Variants in OSTF1 observed in about 807,000 individuals in gnomAD.
OSTF1 encodes the protein osteoclast stimulating factor 1.
Under a neutral mutation model 37.2 loss-of-function variants are expected in OSTF1, and 27 were observed. That is an observed-to-expected ratio of 0.73 (90% CI 0.54 to 1.00). The LOEUF is 1.00. Among genes scored for constraint, OSTF1 ranks in the 50% least tolerant of loss-of-function variants. The probability of loss-of-function intolerance (pLI) is 0.00; values close to 1 mark genes in which losing one functional copy is unlikely to be tolerated. For missense variants in OSTF1, 232 were observed against 253.8 expected, an observed-to-expected ratio of 0.91 and a Z score of 0.58; for synonymous variants, 82 against 89.2, an observed-to-expected ratio of 0.92 and a Z score of 0.46.
chr9:75,110,201 C>A (rs934507509), intron 1 of OSTF1, among the ~76,000 whole-genome samples: 4 of 152,108 alleles, frequency 2.6e-5, no homozygotes, highest in African/African-American at 9.7e-5. Flanking sequence ...ATTAGAGTAT[C>A]ATACAGAGTC....
chr9:75,134,525 C>G, intron 7 of OSTF1, 130 bp downstream of exon 7: 1 of 565,702 alleles, frequency 1.8e-6, no homozygotes, highest in East Asian at 3.4e-5. Flanking sequence ...TATAATTGTA[C>G]TAAAATTCAA....
chr9:75,112,823 A>G (rs1825415029), intron 1 of OSTF1, among the ~76,000 whole-genome samples: 1 of 152,226 alleles, frequency 6.6e-6, no homozygotes, highest in African/African-American at 2.4e-5. Context: ...CCCTCAAAGG[A>G]ACAAGAAAGT....
chr9:75,139,031 T>TTTCTTTCTTTCTTTCTTTCCTTCC (rs1564169708), intron 8 of OSTF1, among the ~76,000 whole-genome samples: 1 of 139,502 alleles, frequency 7.2e-6, no homozygotes, highest in African/African-American at 2.9e-5. Context: ...GGGACACTTC[T>TTTCTTTCTTTCTTTCTTTCCTTCC]TTCTTTCTTT....
intron 1 of OSTF1, among the ~76,000 whole-genome samples, chr9:75,113,956 G>A (rs1056519852): frequency 6.6e-6 from 1 of 152,078 alleles, no homozygotes; most frequent in African/African-American, 2.4e-5. Flanking sequence ...CTCCCTACCC[G>A]CCAGCCTCTG....
chr9:75,124,336 C>A (rs1825628750), intron 2 of OSTF1, among the ~76,000 whole-genome samples: 3 of 152,086 alleles, frequency 2.0e-5, no homozygotes, highest in Non-Finnish European at 4.4e-5. Flanking sequence ...TATTAGCTAT[C>A]CTGTTGTGCT....
intron 3 of OSTF1, among the ~76,000 whole-genome samples, chr9:75,128,036 A>G (rs1825688092): frequency 1.3e-5 from 2 of 152,026 alleles, no homozygotes; most frequent in African/African-American, 4.8e-5. Flanking sequence ...ATGAGTTGCA[A>G]AGTAAAATTT....
At chr9:75,139,272 G>A (rs953019622) in intron 8 of OSTF1, among the ~76,000 whole-genome samples, 6 of 151,754 alleles carry the variant, frequency 4.0e-5, no homozygotes, top group African/African-American at 1.2e-4. Context: ...GAACACAAGC[G>A]ATCCGCCTGC....
chr9:75,136,580 C>T (rs1239104257), intron 7 of OSTF1, among the ~76,000 whole-genome samples: 5 of 152,194 alleles, frequency 3.3e-5, no homozygotes, highest in South Asian at 2.1e-4. Flanking sequence ...TTAGTAGAGA[C>T]GGGGTTTCAC....
chr9:75,123,913 C>T (rs1435878982), intron 2 of OSTF1, among the ~76,000 whole-genome samples: 1 of 152,186 alleles, frequency 6.6e-6, no homozygotes, highest in Non-Finnish European at 1.5e-5. Flanking sequence ...TTGTGGCAGA[C>T]ACCACTATTG....
At chr9:75,104,900 CTAGT>C (rs1825257222) in intron 1 of OSTF1, among the ~76,000 whole-genome samples, 1 of 152,158 alleles carries the variant, frequency 6.6e-6, no homozygotes, top group South Asian at 2.1e-4. Context: ...TGGACCTGGA[CTAGT>C]TACTTACCCT....
At chr9:75,141,312 CAAAAAAAA>C (rs529293090) in intron 9 of OSTF1, among the ~76,000 whole-genome samples, 1 of 71,678 alleles carries the variant, frequency 1.4e-5, no homozygotes, top group East Asian at 5.3e-4. Context: ...AAAAGAAAAC[CAAAAAAAA>C]AAAAAAAAAA....
In OSTF1 at chr9:75,088,722, A is replaced by C; in HGVS notation, c.30A>C (p.Lys10Asn). 1 of 1,608,768 alleles carries C rather than the reference A, an allele frequency of 6.2e-7. No individual in the cohort carries two copies. The highest frequency in any genetic ancestry group is 8.5e-7 in the Non-Finnish European group (1 of 1,177,402). MSKPPPKPV[K>N]PGQVKVFRAL... is the part of the protein sequence containing the mutation. Reference sequence around the variant, plus strand: ...CGAAGCCGCCACCCAAACCAGTCAAACCAGGTGAGGGAGGTAAGGTAGGCG... The same window carrying C: ...CGAAGCCGCCACCCAAACCAGTCAACCCAGGTGAGGGAGGTAAGGTAGGCG... The change falls in exon 1 of 10, where the codon AAA becomes AAC. Residue 10 changes from lysine (K) to asparagine (N), a missense_variant. By Grantham distance (94) the Lys-to-Asn change is moderately conservative (BLOSUM62 0). Transcript: ENST00000346234.
At chr9:75,132,254 C>CA (rs1026085788) in intron 5 of OSTF1, among the ~76,000 whole-genome samples, 14 of 152,108 alleles carry the variant, frequency 9.2e-5, no homozygotes. Context: ...CTGGTGGGTA[C>CA]AGCATTTAGG....
At position 75,130,568 on chromosome 9, in the gene OSTF1, CT is replaced by C. The variant is rs1825746642; in HGVS notation, c.133-6del. 6.3e-7 allele frequency: 1 copy of C among 1,592,408 alleles called. No individual in the cohort carries two copies. The highest frequency in any genetic ancestry group is 1.3e-5 in the African/African-American group (1 of 74,508). On this transcript the variant is annotated splice_polypyrimidine_tract_variant and intron_variant, in intron 3 of 9. Coordinates refer to ENST00000346234, the MANE Select transcript of OSTF1 (RefSeq NM_012383.5). ...TTTCATACCACTTAATTTAACTCTT[CT>C]TTTACCAGAGCGATACCAATTGGTG...
Position 75,088,628 on chromosome 9 carries a change from C to A in OSTF1, c.-65C>A. The A allele has an allele frequency of 6.5e-7, 1 of 1,536,838 alleles. No homozygotes were observed. Among genetic ancestry groups the A allele is most frequent in the Non-Finnish European group, 8.9e-7 (1 of 1,123,940 alleles). On this transcript the variant is annotated 5_prime_UTR_variant, in exon 1 of 10. Coordinates refer to ENST00000346234, the MANE Select transcript of OSTF1 (RefSeq NM_012383.5). ...AAAAGAACTGGGGTGCCCGGAGTGC[C>A]AGGTGGCGGGCAAGCGGTGGGCTTT...
intron 9 of OSTF1, among the ~76,000 whole-genome samples, chr9:75,142,289 G>A (rs1015603882): frequency 4.6e-5 from 7 of 152,110 alleles, no homozygotes; most frequent in African/African-American, 1.4e-4. Context: ...TGATTGAGAA[G>A]CCATATTTGC....
intron 7 of OSTF1, among the ~76,000 whole-genome samples, chr9:75,135,306 A>T (rs1397653381): frequency 6.6e-6 from 1 of 152,180 alleles, no homozygotes; most frequent in African/African-American, 2.4e-5. Context: ...ATTTGGTGCC[A>T]TTTTGATTCC....
At chr9:75,127,673 T>C in intron 3 of OSTF1, 54 bp downstream of exon 3, 1 of 923,106 alleles carries the variant, frequency 1.1e-6, no homozygotes, top group Non-Finnish European at 1.7e-6. Flanking sequence ...TTTATGTAGC[T>C]ATAACATTGT....
At chr9:75,094,385 T>C (rs1328627930) in intron 1 of OSTF1, among the ~76,000 whole-genome samples, 6 of 151,890 alleles carry the variant, frequency 4.0e-5, no homozygotes, top group South Asian at 2.1e-4. Context: ...TTTTTTTTTT[T>C]CCCTGAAAGA....
Sources: gnomAD v4.1 joint callset for allele counts (sites outside exome capture counted in the v4.1 genomes callset) on GRCh38, gnomAD v4.1.1 for gene constraint, MANE v1.5 for transcripts, NCBI Gene and HGNC (gene_info 2026-07-23, HGNC 2026-07-21) for gene names.